CMIP: variants seen among roughly 807,000 people sequenced by gnomAD.
CMIP encodes C-Maf-inducing protein.
In CMIP, 13 loss-of-function variants were observed where a neutral mutation model predicts 97.3. The ratio of observed to expected loss-of-function variants is 0.13; its 90% CI spans 0.09 to 0.21. The LOEUF (loss-of-function observed/expected upper bound fraction) is 0.21, where lower values mean the gene tolerates loss of function less well. Ranked by LOEUF, CMIP falls within the 10% of genes least tolerant of loss-of-function variation. CMIP has a pLI of 1.00. For missense variants in CMIP, 847 were observed against 1,024.9 expected (o/e 0.83, Z 2.37); for synonymous variants, 538 against 436.3 (o/e 1.23, Z -2.91).
intron 3 of CMIP, among the ~76,000 whole-genome samples, chr16:81,649,218 C>G (rs1052396690): frequency 6.6e-6 from 1 of 152,264 alleles, no homozygotes; most frequent in Non-Finnish European, 1.5e-5. Context: ...CTGGGATCTT[C>G]TGGCTCTGAA....
chr16:81,640,269 G>A (rs73598498), intron 3 of CMIP, among the ~76,000 whole-genome samples: 10,535 of 147,670 alleles, frequency 0.071, 824 homozygotes, highest in East Asian at 0.21. Context: ...TGCAGCAAGA[G>A]CAGGATAGGA....
intron 1 of CMIP, among the ~76,000 whole-genome samples, chr16:81,564,520 G>A (rs891611462): frequency 1.3e-5 from 2 of 152,236 alleles, no homozygotes; most frequent in Non-Finnish European, 2.9e-5. Context: ...GGGGGAAGAA[G>A]GAAAATAAGA....
intron 2 of CMIP, among the ~76,000 whole-genome samples, chr16:81,608,607 G>T (rs2091781826): frequency 6.6e-6 from 1 of 151,942 alleles, no homozygotes; most frequent in Non-Finnish European, 1.5e-5. Flanking sequence ...TTGACCTCAG[G>T]CAAGGCCCAG....
intron 3 of CMIP, among the ~76,000 whole-genome samples, chr16:81,638,231 CCCCAT>C (rs1161068642): frequency 6.6e-6 from 1 of 152,178 alleles, no homozygotes; most frequent in Non-Finnish European, 1.5e-5. Flanking sequence ...AGCGTGATCT[CCCCAT>C]CTCAAGATCC....
chr16:81,479,503 A>C (rs1268918092), intron 1 of CMIP, among the ~76,000 whole-genome samples: 1 of 152,070 alleles, frequency 6.6e-6, no homozygotes, highest in Non-Finnish European at 1.5e-5. Flanking sequence ...GTTAACTCCT[A>C]GTCCCCCTCC....
chr16:81,544,881 G>A (rs1384492572), intron 1 of CMIP, among the ~76,000 whole-genome samples: 8 of 152,144 alleles, frequency 5.3e-5, no homozygotes, highest in African/African-American at 1.9e-4. Context: ...GTAACTTTAT[G>A]AGTGGTACTT....
At chr16:81,569,043 G>T (rs149901294) in intron 1 of CMIP, among the ~76,000 whole-genome samples, 7 of 152,314 alleles carry the variant, frequency 4.6e-5, no homozygotes, top group Admixed American at 4.6e-4. Context: ...TGGAGAACTC[G>T]CAGAGGTTTA....
intron 3 of CMIP, among the ~76,000 whole-genome samples, chr16:81,643,261 G>C (rs1410848241): frequency 6.6e-6 from 1 of 152,186 alleles, no homozygotes; most frequent in Non-Finnish European, 1.5e-5. Flanking sequence ...CAGATTCCCA[G>C]GCCTCACTGT....
At chr16:81,557,990 C>G (rs752233002) in intron 1 of CMIP, among the ~76,000 whole-genome samples, 3 of 152,192 alleles carry the variant, frequency 2.0e-5, no homozygotes, top group African/African-American at 7.2e-5. Context: ...ATTCTATGCT[C>G]TGTCTCTACG....
chr16:81,627,160 T>G lies in CMIP; in HGVS notation c.477+6234T>G, dbSNP rs550318100. Among the ~76,000 whole-genome samples, 203 of 150,286 alleles carry G rather than the reference T, an allele frequency of 1.4e-3. No individual in the cohort carries two copies. Among genetic ancestry groups the G allele is most frequent in the African/African-American group, 4.8e-3 (197 of 40,916 alleles). On this transcript the variant is annotated intron_variant, in intron 3 of 20. Coordinates refer to ENST00000537098, the MANE Select transcript of CMIP (RefSeq NM_198390.3). This position sits in a 1 kb window ranked among gnomAD's most constrained non-coding sequence, Gnocchi z 4.6. ...GGGCCAACTATTTTATGAATGTGTG[T>G]GTGTGTGGCCTGTAGGGTGACTATT...
chr16:81,694,381 A>G (rs1373683010), intron 13 of CMIP, among the ~76,000 whole-genome samples: 1 of 152,186 alleles, frequency 6.6e-6, no homozygotes, highest in East Asian at 1.9e-4. Flanking sequence ...TCCTCTCCAT[A>G]GAGCCATCCC....
chr16:81,691,424 A>G (rs1227837040), intron 10 of CMIP, among the ~76,000 whole-genome samples: 1 of 152,200 alleles, frequency 6.6e-6, no homozygotes, highest in Admixed American at 6.5e-5. Context: ...GAGCTTCAGT[A>G]TATGAATGGG....
chr16:81,692,051 A>T (rs1459522790), intron 11 of CMIP, among the ~76,000 whole-genome samples: 2 of 152,136 alleles, frequency 1.3e-5, no homozygotes, highest in African/African-American at 4.8e-5. Flanking sequence ...AACTCAGGAG[A>T]ACAGGGACAT....
chr16:81,478,758 G>T (rs1429108077), intron 1 of CMIP, among the ~76,000 whole-genome samples: 1 of 152,174 alleles, frequency 6.6e-6, no homozygotes, highest in Non-Finnish European at 1.5e-5. Flanking sequence ...GGACGTTGAG[G>T]GCCAGCCTGG....
chr16:81,517,290 C>G (rs2089935548), intron 1 of CMIP, among the ~76,000 whole-genome samples: 1 of 102,768 alleles, frequency 9.7e-6, no homozygotes, highest in Non-Finnish European at 2.5e-5. Context: ...AAAAATCAGA[C>G]AGCTTCCAAG....
rs1417601799 is a variant in CMIP, at chr16:81,707,063, T to C, written c.2247T>C (p.Ala749=). 1 of 1,613,832 alleles carries C rather than the reference T, an allele frequency of 6.2e-7. No homozygotes were observed. Among genetic ancestry groups the C allele is most frequent in the Admixed American group, 1.7e-5 (1 of 60,022 alleles). Residue 749 remains alanine (A), a synonymous_variant, in exon 20 of 21, where the codon GCT becomes GCC. Transcript: ENST00000537098. ...ACATGAACAGCACCAAGCTCTCAGCTGACACCTACGAAGATCTGAAGGTAA... is the reference window on the plus strand; with the variant it reads ...ACATGAACAGCACCAAGCTCTCAGCCGACACCTACGAAGATCTGAAGGTAA... The part of the protein sequence containing the change: ...SLNMNSTKLS[A]DTYEDLKAKL...
chr16:81,546,543 G>A (rs1366632768), intron 1 of CMIP, among the ~76,000 whole-genome samples: 5 of 152,212 alleles, frequency 3.3e-5, no homozygotes, highest in African/African-American at 1.2e-4. Context: ...AATAGTTACT[G>A]AGGGTCTGTG....
intron 3 of CMIP, chr16:81,631,957 CT>C (rs1422740215): frequency 6.6e-6 from 1 of 152,184 alleles, no homozygotes; most frequent in African/African-American, 2.4e-5. Flanking sequence ...ACTTACGAAG[CT>C]TTTTAAAATA....
chr16:81,461,465 G>A (rs773554394), intron 1 of CMIP, among the ~76,000 whole-genome samples: 25 of 152,136 alleles, frequency 1.6e-4, no homozygotes, highest in East Asian at 1.3e-3. Flanking sequence ...CAACCCTAGC[G>A]TAATTAGTCT....
Sources: allele counts gnomAD v4.1 joint callset (sites outside exome capture counted in the v4.1 genomes callset), GRCh38; gene constraint gnomAD v4.1.1; non-coding constraint Gnocchi (gnomAD v3.1); transcripts MANE v1.5; gene names NCBI Gene and HGNC (gene_info 2026-07-23, HGNC 2026-07-21).